SPATA31A7: variants seen among roughly 807,000 people sequenced by gnomAD.
SPATA31A7 encodes spermatogenesis-associated protein 31A7.
In SPATA31A7, 2 loss-of-function variants were observed where a neutral mutation model predicts 40.5. The observed-to-expected ratio is 0.05, with a 90% CI of 0.02 to 0.16. The LOEUF (loss-of-function observed/expected upper bound fraction) is 0.16. SPATA31A7 is among the 10% of genes least tolerant of loss of function. SPATA31A7 has a pLI of 1.00. For missense variants in SPATA31A7, 36 were observed against 590.3 expected (o/e 0.06, Z 9.73); for synonymous variants, 17 against 231.9 (o/e 0.07, Z 8.42).
At chr9:61,192,355 CCGGCTCCTGGCTG>C in intron 3 of SPATA31A7, 27 bp from the exon 4 acceptor site, 1 of 1,551,716 alleles carries the variant, frequency 6.4e-7, no homozygotes, top group Non-Finnish European at 8.7e-7. Context: ...TCCGGCCCCA[CCGGCTCCTGGCTG>C]CAGCTCGTGC....
intron 2 of SPATA31A7, 163 bp from the exon 3 acceptor site, chr9:61,191,916 T>A: frequency 2.6e-6 from 3 of 1,153,800 alleles, no homozygotes; most frequent in Non-Finnish European, 3.7e-6. Context: ...AGCCTTGTCC[T>A]CCATGCCTTG....
rs371966204 is a variant in SPATA31A7, at chr9:61,191,417, C to A, written c.190-36C>A. On this transcript the variant is annotated intron_variant, in intron 1 of 3. Transcript: ENST00000619167. ...CTCCCATTGTCATCTTGTCTCTCTGCGTCATCTTGTCTCCGTACGTCATCG... is the reference window on the plus strand; with the variant it reads ...CTCCCATTGTCATCTTGTCTCTCTGAGTCATCTTGTCTCCGTACGTCATCG... The A allele has an allele frequency of 8.6e-6, 12 of 1,391,620 alleles. 3 individuals are homozygous for A. The highest frequency in any genetic ancestry group is 2.0e-5 in the Admixed American group (1 of 49,504). 86.2% of individuals were successfully genotyped at this position (1,391,620 alleles called of 1,614,324 possible).
intron 2 of SPATA31A7, 165 bp from the exon 3 acceptor site, chr9:61,191,914 C>A: frequency 8.7e-7 from 1 of 1,144,734 alleles, no homozygotes; most frequent in South Asian, 1.5e-5. Flanking sequence ...AAAGCCTTGT[C>A]CTCCATGCCT....
chr9:61,191,945 TG>T (rs1826822783), intron 2 of SPATA31A7, 133 bp from the exon 3 acceptor site: 1 of 1,209,348 alleles, frequency 8.3e-7, no homozygotes, highest in African/African-American at 1.8e-5. Context: ...GTCGGGGTCA[TG>T]TGGCTTTGGA....
chr9:61,190,569 C>A (rs1216218678), intron 1 of SPATA31A7, among the ~76,000 whole-genome samples: 3 of 3,076 alleles, frequency 9.8e-4, no homozygotes, highest in African/African-American at 2.9e-3. Context: ...AGGCCCTGAG[C>A]CCTGGCTCAT....
rs1826848721 is a variant in SPATA31A7 at position 61,193,226 on chromosome 9, AC to A, written c.1143del (p.Phe382SerfsTer52). On this transcript the variant is annotated frameshift_variant, in exon 4 of 4. Transcript: ENST00000619167. LOFTEE classifies it high-confidence loss of function. ...CTGAGCAGGACACCACAAACCCAAAACCCTTCTGGAACATGGGAGAGAACTC... is the reference window on the plus strand; with the variant it reads ...CTGAGCAGGACACCACAAACCCAAAACCTTCTGGAACATGGGAGAGAACTC... 3.6e-6 allele frequency: 5 copies of A among 1,374,820 alleles called. 1 individual carries two copies. In the South Asian group the frequency reaches 7.1e-5, roughly 19 times the overall value. The allele number at this position is 1,374,820 out of a possible 1,614,324, so 85.2% of individuals were successfully genotyped here.
Sources: gnomAD v4.1 joint callset for allele counts (sites outside exome capture counted in the v4.1 genomes callset) on GRCh38, gnomAD v4.1.1 for gene constraint, MANE v1.5 for transcripts, NCBI Gene and HGNC (gene_info 2026-07-23, HGNC 2026-07-21) for gene names.